The following GRIP1 variants were observed in gnomAD, a reference collection of about 807,000 sequenced individuals.
GRIP1 encodes the protein glutamate receptor interacting protein 1, also known as glutamate receptor-interacting protein 1.
Under a neutral mutation model 129.9 loss-of-function variants are expected in GRIP1, and 45 were observed. The ratio of observed to expected loss-of-function variants is 0.35; its 90% CI spans 0.27 to 0.44. GRIP1 has a LOEUF of 0.44. Ranked by LOEUF, GRIP1 falls within the 20% of genes least tolerant of loss-of-function variation. The pLI, the probability that GRIP1 is intolerant of heterozygous loss-of-function variation, is 1.00. For synonymous variants in GRIP1, 530 were observed against 520.8 expected, an observed-to-expected ratio of 1.02 and a Z score of -0.24; for missense variants, 1,196 against 1,396.8, an observed-to-expected ratio of 0.86 and a Z score of 2.29.
At chr12:67,031,811 T>G (rs1254866790) in intron 1 of GRIP1, among the ~76,000 whole-genome samples, 1 of 152,212 alleles carries the variant, frequency 6.6e-6, no homozygotes, top group Non-Finnish European at 1.5e-5. Flanking sequence ...ATAAATAATC[T>G]TAATCTTATT....
At chr12:66,409,827 T>C (rs2057322177) in intron 15 of GRIP1, among the ~76,000 whole-genome samples, 1 of 152,134 alleles carries the variant, frequency 6.6e-6, no homozygotes, top group Non-Finnish European at 1.5e-5. Flanking sequence ...CAGAATCCTA[T>C]CAGATAAATT....
At chr12:66,795,719 A>G (rs1188405572) in intron 1 of GRIP1, among the ~76,000 whole-genome samples, 1 of 152,152 alleles carries the variant, frequency 6.6e-6, no homozygotes, top group Non-Finnish European at 1.5e-5. Flanking sequence ...TCCACAAAGC[A>G]CAGAAGATGG....
chr12:66,959,551 T>C (rs1331165064), intron 1 of GRIP1, among the ~76,000 whole-genome samples: 4 of 152,184 alleles, frequency 2.6e-5, no homozygotes, highest in African/African-American at 4.8e-5. Context: ...ATTTGAATCT[T>C]TATGATACAG....
intron 1 of GRIP1, among the ~76,000 whole-genome samples, chr12:66,747,165 T>C (rs1000194410): frequency 1.3e-5 from 2 of 152,046 alleles, no homozygotes; most frequent in Admixed American, 6.6e-5. Context: ...GAAATGAACA[T>C]ATTAAACACT....
chr12:66,568,813 T>G, intron 2 of GRIP1: 1 of 330,736 alleles, frequency 3.0e-6, no homozygotes, highest in Non-Finnish European at 5.9e-6. Context: ...GGTGTTGGAG[T>G]CTAATGATGT....
rs1476975150 is a variant in GRIP1 at position 66,708,764 on chromosome 12, C to T, written c.-419-78428G>A. On this transcript the variant is annotated intron_variant, in intron 1 of 4. Transcript: ENST00000538373. ...ATACATGTGCCATGGTGGTTTGCTG[C>T]ACCCATCAACCCATCACTTACATTT... Among the ~76,000 whole-genome samples, 3 of 142,838 alleles carry T rather than the reference C, an allele frequency of 2.1e-5. No homozygotes were observed. In the East Asian group the frequency reaches 6.2e-4, roughly 29 times the overall value. The allele number at this position is 142,838 out of a possible 152,430, so 93.7% of individuals were successfully genotyped here.
chr12:66,774,295 T>A (rs1221447524), intron 1 of GRIP1, among the ~76,000 whole-genome samples: 1 of 152,190 alleles, frequency 6.6e-6, no homozygotes, highest in Non-Finnish European at 1.5e-5. Flanking sequence ...GATCATGTTT[T>A]CCTATGAAAA....
chr12:66,722,417 A>C (rs1208527732), intron 1 of GRIP1, among the ~76,000 whole-genome samples: 2 of 152,168 alleles, frequency 1.3e-5, no homozygotes, highest in African/African-American at 4.8e-5. Context: ...CACAACATTG[A>C]TTAGGTTTGC....
chr12:66,689,845 G>A (rs1035001134), intron 1 of GRIP1, among the ~76,000 whole-genome samples: 13 of 151,818 alleles, frequency 8.6e-5, no homozygotes, highest in South Asian at 2.1e-4. Context: ...CAGACCTCTG[G>A]CAGCCACCAT....
intron 1 of GRIP1, among the ~76,000 whole-genome samples, chr12:66,881,376 A>C (rs1389278699): frequency 6.6e-6 from 1 of 152,192 alleles, no homozygotes; most frequent in African/African-American, 2.4e-5. Flanking sequence ...GAAGCTGCTA[A>C]TTGGCTCTAA....
chr12:66,942,765 T>C (rs543487307), intron 1 of GRIP1, among the ~76,000 whole-genome samples: 1 of 152,322 alleles, frequency 6.6e-6, no homozygotes, highest in South Asian at 2.1e-4. Context: ...TCCTAACCCC[T>C]AATGGCATGG....
intron 1 of GRIP1, among the ~76,000 whole-genome samples, chr12:66,630,675 G>A (rs1339085498): frequency 6.6e-6 from 1 of 152,176 alleles, no homozygotes; most frequent in East Asian, 1.9e-4. Context: ...TGAGGGCAGT[G>A]AGCAGAGACT....
In GRIP1 at chr12:66,678,856, T is replaced by G. The variant is rs1293659393; in HGVS notation, c.49A>C (p.Thr17Pro). Residue 17 changes from threonine to proline, a missense_variant, in exon 1 of 25, where the codon ACT becomes CCT. Coordinates refer to ENST00000359742, the MANE Select transcript of GRIP1 (RefSeq NM_001366722.1). ...KCRCQILRRL[T>P]KDESPYTKSA... ...AACAAGGAAAGCACGATACCTTTAG[T>G]AAGTCGCCTCAGAATTTGACAACGG... 6.2e-7 allele frequency: 1 copy of G among 1,613,348 alleles called. No homozygotes were observed. The highest frequency in any genetic ancestry group is 1.7e-5 in the Admixed American group (1 of 59,964).
intron 1 of GRIP1, among the ~76,000 whole-genome samples, chr12:66,684,427 C>T (rs2034702827): frequency 6.6e-6 from 1 of 152,202 alleles, no homozygotes; most frequent in Non-Finnish European, 1.5e-5. Flanking sequence ...TTCCCCCAAG[C>T]TCTGTCACAG....
chr12:67,005,720 G>A (rs567639573), intron 1 of GRIP1, among the ~76,000 whole-genome samples: 25 of 152,252 alleles, frequency 1.6e-4, no homozygotes, highest in African/African-American at 5.1e-4. Flanking sequence ...GATTCCTCAC[G>A]ACCTTCCTGG....
chr12:66,465,200 C>A, intron 8 of GRIP1, 75 bp downstream of exon 8: 4 of 1,283,082 alleles, frequency 3.1e-6, no homozygotes, highest in Non-Finnish European at 4.5e-6. Context: ...CCCGCCTCGG[C>A]CTCCCAAAGT....
chr12:66,893,159 A>C (rs919081148), intron 1 of GRIP1, among the ~76,000 whole-genome samples: 26 of 152,178 alleles, frequency 1.7e-4, no homozygotes, highest in African/African-American at 5.3e-4. Flanking sequence ...GGAACCATAC[A>C]GTATAAAACC....
chr12:66,904,140 T>C (rs1045595802), intron 1 of GRIP1, among the ~76,000 whole-genome samples: 22 of 152,218 alleles, frequency 1.4e-4, no homozygotes, highest in African/African-American at 4.6e-4. Flanking sequence ...ACAAATACTG[T>C]AATGTGCCAC....
chr12:66,861,592 T>C (rs538382341), intron 1 of GRIP1, among the ~76,000 whole-genome samples: 2 of 152,224 alleles, frequency 1.3e-5, no homozygotes, highest in South Asian at 4.1e-4. Context: ...CACATGGCCA[T>C]GGAGAACAAA....
Sources: gnomAD v4.1 joint callset for allele counts (sites outside exome capture counted in the v4.1 genomes callset) on GRCh38, gnomAD v4.1.1 for gene constraint, MANE v1.5 for transcripts, NCBI Gene and HGNC (gene_info 2026-07-23, HGNC 2026-07-21) for gene names.